The following RFWD3 variants were observed in gnomAD, a reference collection of about 807,000 sequenced individuals.
RFWD3 encodes E3 ubiquitin-protein ligase RFWD3.
In RFWD3, 65 loss-of-function variants were observed where a neutral mutation model predicts 87.7. The ratio of observed to expected loss-of-function variants is 0.74; its 90% CI spans 0.61 to 0.91. The LOEUF is 0.91. Ranked by LOEUF, RFWD3 falls within the 40% of genes least tolerant of loss-of-function variation. The pLI is 0.00. For synonymous variants in RFWD3, 433 were observed against 352.8 expected, an observed-to-expected ratio of 1.23 and a Z score of -2.55; for missense variants, 1,078 against 938.5, an observed-to-expected ratio of 1.15 and a Z score of -1.94.
At chr16:74,649,370 A>G (rs1567580896) in intron 3 of RFWD3, 168 bp from the exon 4 acceptor site, 1 of 465,984 alleles carries the variant, frequency 2.1e-6, no homozygotes, top group African/African-American at 2.1e-5. Context: ...CAGTGAATTT[A>G]TTTTTAAAAA....
At chr16:74,625,740 A>G (rs1416783724) in intron 12 of RFWD3, among the ~76,000 whole-genome samples, 1 of 152,194 alleles carries the variant, frequency 6.6e-6, no homozygotes, top group Non-Finnish European at 1.5e-5. Context: ...GCACTATACA[A>G]TATGGTGGCC....
At chr16:74,631,491 A>G (rs905442534) in intron 9 of RFWD3, among the ~76,000 whole-genome samples, 7 of 149,110 alleles carry the variant, frequency 4.7e-5, no homozygotes, top group African/African-American at 7.3e-5. Context: ...AAATAAATAA[A>G]TAATAACCCA....
At chr16:74,645,754 T>C (rs1024265623) in intron 4 of RFWD3, among the ~76,000 whole-genome samples, 28 of 141,380 alleles carry the variant, frequency 2.0e-4, no homozygotes, top group African/African-American at 5.8e-4. Context: ...TCTTTTTTTT[T>C]TTTTTTTTTT....
intron 9 of RFWD3, 38 bp downstream of exon 9, chr16:74,632,485 A>C: frequency 6.2e-7 from 1 of 1,609,124 alleles, no homozygotes; most frequent in Non-Finnish European, 8.5e-7. Flanking sequence ...CTCAACACCA[A>C]AGAGCCCAGT....
At chr16:74,648,616 A>G (rs550267461) in intron 4 of RFWD3, among the ~76,000 whole-genome samples, 21 of 151,684 alleles carry the variant, frequency 1.4e-4, no homozygotes, top group Non-Finnish European at 2.4e-4. Flanking sequence ...AACTTAAAAG[A>G]CAAAAATTAG....
At chr16:74,655,365 G>A (rs1164963574) in intron 2 of RFWD3, among the ~76,000 whole-genome samples, 2 of 151,670 alleles carry the variant, frequency 1.3e-5, no homozygotes, top group South Asian at 4.2e-4. Flanking sequence ...TCAGCCTCCC[G>A]AGTAGCTGGG....
rs542983745 is a variant in RFWD3 at position 74,666,825 on chromosome 16, G to C, written c.-42C>G. 2.0e-5 allele frequency: 3 copies of C among 152,312 alleles called. No homozygotes were observed. The highest frequency in any genetic ancestry group is 4.8e-5 in the African/African-American group (2 of 41,322). 9.4% of individuals were successfully genotyped at this position (152,312 alleles called of 1,614,324 possible). ...CCGCGGCCGGGCTCGCGAGCCCGCCGAAGACTCGGTAGTTACCTCGGCCGC... is the reference window on the plus strand; with the variant it reads ...CCGCGGCCGGGCTCGCGAGCCCGCCCAAGACTCGGTAGTTACCTCGGCCGC... On this transcript the variant is annotated 5_prime_UTR_variant, in exon 1 of 13. Transcript: ENST00000361070.
rs761652477 is a variant in RFWD3 at position 74,632,509 on chromosome 16, C to G, written c.1577+14G>C. The G allele has an allele frequency of 6.2e-7, 1 of 1,613,400 alleles. No individual in the cohort carries two copies. The highest frequency in any genetic ancestry group is 1.7e-5 in the Admixed American group (1 of 59,964). On this transcript the variant is annotated intron_variant, in intron 9 of 12. Transcript: ENST00000361070. ...AAAGAGCCCAGTCTCCACCTACTTC[C>G]CCAAATCACTCACCTGGTCAGTTTA... is the stretch of plus-strand genomic sequence containing the variant.
chr16:74,640,726 T>C (rs746638994), intron 6 of RFWD3, among the ~76,000 whole-genome samples: 1 of 151,466 alleles, frequency 6.6e-6, no homozygotes, highest in Non-Finnish European at 1.5e-5. Flanking sequence ...GATCACGAGG[T>C]CAGGAGTTCA....
At chr16:74,640,592 C>G (rs1959549459) in intron 6 of RFWD3, among the ~76,000 whole-genome samples, 1 of 152,032 alleles carries the variant, frequency 6.6e-6, no homozygotes, top group Admixed American at 6.6e-5. Flanking sequence ...GCCTAGGAAT[C>G]TGATGGCGCC....
At position 74,644,727 on chromosome 16, in the gene RFWD3, G is replaced by T. The variant is rs774837280; in HGVS notation, c.801C>A (p.Pro267=). The T allele has an allele frequency of 1.2e-6, 2 of 1,610,786 alleles. No individual in the cohort carries two copies. The highest frequency in any genetic ancestry group is 1.7e-6 in the Non-Finnish European group (2 of 1,177,552). Residue 267 remains proline (P), a synonymous_variant, in exon 5 of 13, where the codon CCC becomes CCA. Coordinates refer to ENST00000361070, the MANE Select transcript of RFWD3 (RefSeq NM_018124.4). The part of the protein sequence containing the change: ...GGKTLPKQPS[P]QKSEPLLPSA... ...AAGGTAGCAGAGGCTCAGACTTCTG[G>T]GGAGATGGCTAGATGGAAAGCAGAA...
chr16:74,651,987 A>G lies in RFWD3; in HGVS notation c.654T>C (p.Ser218=), dbSNP rs1488805782. 5 of 1,614,094 alleles carry G rather than the reference A, an allele frequency of 3.1e-6. No individual in the cohort carries two copies. The South Asian group carries it at 5.5e-5, about 18-fold the overall frequency. ...LQVSSSSDSD[S]DSSAEYGGVV... is the part of the protein sequence containing the mutation. ...CCCCTCCATACTCTGCAGAGCTGTCACTGTCAGAATCAGAACTACTAGACA... is the reference window on the plus strand; with the variant it reads ...CCCCTCCATACTCTGCAGAGCTGTCGCTGTCAGAATCAGAACTACTAGACA... Residue 218 remains serine (S), a synonymous_variant, in exon 3 of 13, where the codon AGT becomes AGC. Transcript: ENST00000361070.
intron 2 of RFWD3, among the ~76,000 whole-genome samples, chr16:74,653,730 A>C (rs1330375492): frequency 1.3e-5 from 2 of 152,206 alleles, no homozygotes; most frequent in African/African-American, 4.8e-5. Flanking sequence ...TATGACATTA[A>C]ATAAAATATT....
intron 3 of RFWD3, among the ~76,000 whole-genome samples, chr16:74,650,509 A>G (rs867933529): frequency 7.9e-5 from 12 of 152,150 alleles, no homozygotes; most frequent in Admixed American, 2.0e-4. Flanking sequence ...CAATGGGTTC[A>G]GGTGGTATCA....
chr16:74,650,203 G>T (rs1012291733), intron 3 of RFWD3, among the ~76,000 whole-genome samples: 1 of 152,038 alleles, frequency 6.6e-6, no homozygotes, highest in African/African-American at 2.4e-5. Context: ...TATATATTTA[G>T]GTCTAGAAAG....
At chr16:74,664,143 G>C (rs967366255) in intron 1 of RFWD3, among the ~76,000 whole-genome samples, 16 of 152,110 alleles carry the variant, frequency 1.1e-4, no homozygotes, top group Non-Finnish European at 1.9e-4. Flanking sequence ...GTATAGATGG[G>C]GTTTCCCACG....
At position 74,644,604 on chromosome 16, in the gene RFWD3, C is replaced by A. The variant is rs769112045; in HGVS notation, c.924G>T (p.Gly308=). ...AAATGCACCTATACCCAAAGAGATG[C>A]CCACAGCGTAATGCTGAGAGCCGGT... ...GDHRLSALRC[G]HLFGYRCIST... is the part of the protein sequence containing the mutation. Residue 308 remains glycine, a synonymous_variant, in exon 5 of 13, where the codon GGG becomes GGT. Transcript: ENST00000361070. The A allele has an allele frequency of 4.3e-6, 7 of 1,614,198 alleles. No homozygotes were observed. The South Asian group carries it at 6.6e-5, about 15-fold the overall frequency.
At chr16:74,641,477 T>C (rs879751311) in intron 6 of RFWD3, among the ~76,000 whole-genome samples, 1,512 of 148,950 alleles carry the variant, frequency 0.01, 22 homozygotes, top group Non-Finnish European at 0.016. Flanking sequence ...CAGATTAATT[T>C]TGACTAGAGA....
chr16:74,641,241 C>T (rs942776476), intron 6 of RFWD3, among the ~76,000 whole-genome samples: 11 of 151,962 alleles, frequency 7.2e-5, no homozygotes, highest in Admixed American at 6.6e-5. Flanking sequence ...CGGCTCACCA[C>T]AACCTCTGCC....
Sources: gnomAD v4.1 joint callset for allele counts (sites outside exome capture counted in the v4.1 genomes callset) on GRCh38, gnomAD v4.1.1 for gene constraint, MANE v1.5 for transcripts, NCBI Gene and HGNC (gene_info 2026-07-23, HGNC 2026-07-21) for gene names.